The following MUC17 variants were observed in gnomAD, a reference collection of about 807,000 sequenced individuals.
MUC17 encodes mucin 17, cell surface associated.
A neutral mutation model predicts 170.3 loss-of-function variants in MUC17; 190 were observed. The observed-to-expected ratio is 1.12, with a 90% CI of 0.99 to 1.26. The LOEUF is 1.26. Ranked by LOEUF, MUC17 falls within the 50% of genes most tolerant of loss-of-function variation. The pLI, the probability that MUC17 is intolerant of heterozygous loss-of-function variation, is 0.00. For missense variants in MUC17, 6,415 were observed against 5,530.0 expected (o/e 1.16, Z -5.08); for synonymous variants, 2,325 against 2,002.5 (o/e 1.16, Z -4.30).
intron 3 of MUC17, among the ~76,000 whole-genome samples, chr7:101,047,292 C>T (rs555090571): frequency 6.6e-6 from 1 of 152,184 alleles, no homozygotes; most frequent in East Asian, 1.9e-4. Context: ...TGTTCAAGTT[C>T]ACCCGGGTTC....
At chr7:101,028,365 A>T (rs182594138) in intron 1 of MUC17, among the ~76,000 whole-genome samples, 1 of 152,144 alleles carries the variant, frequency 6.6e-6, no homozygotes, top group East Asian at 1.9e-4. Context: ...CTGGGATTAC[A>T]GGCATAAGCC....
chr7:101,038,957 G>A lies in MUC17; in HGVS notation c.7541G>A (p.Ser2514Asn). Residue 2514 changes from serine to asparagine, a missense_variant, in exon 3 of 13, where the codon AGT (serine) becomes AAT (asparagine). Physicochemically the swap from Ser to Asn is conservative, Grantham distance 46. Coordinates refer to ENST00000306151, the MANE Select transcript of MUC17 (RefSeq NM_001040105.2). Reference protein sequence around the residue: ...VVPISTASEGSTLLTSIPVST... With the variant: ...VVPISTASEGNTLLTSIPVST... The stretch of plus-strand genomic sequence containing the variant: ...CCAATCTCAACTGCTAGTGAAGGAA[G>A]TACTCTATTAACAAGTATACCTGTC... 1.9e-6 allele frequency: 3 copies of A among 1,613,188 alleles called. No homozygotes were observed. The highest frequency in any genetic ancestry group is 2.5e-6 in the Non-Finnish European group (3 of 1,179,846).
intron 1 of MUC17, among the ~76,000 whole-genome samples, chr7:101,028,914 G>T (rs770075040): frequency 6.6e-6 from 1 of 151,130 alleles, no homozygotes; most frequent in Non-Finnish European, 1.5e-5. Flanking sequence ...AAGTCCGGAC[G>T]TGGTGGTTCA....
rs114599668 is a variant in MUC17 at position 101,021,247 on chromosome 7, G to A, written c.82+1030G>A. On this transcript the variant is annotated intron_variant, in intron 1 of 12. Transcript: ENST00000306151. ...GTCACCCAGGCTGGAGTTCTGTAGC[G>A]TGATGTCAGCCCACTGCAACCTCTG... is the stretch of plus-strand genomic sequence containing the variant. Among the ~76,000 whole-genome samples the A allele has an allele frequency of 6.1e-3, 838 of 138,370 alleles. 6 individuals carry two copies. Among genetic ancestry groups the A allele is most frequent in the African/African-American group, 0.02 (744 of 37,028 alleles). 90.8% of individuals were successfully genotyped at this position (138,370 alleles called of 152,430 possible).
rs1293992248 is a variant in MUC17 at position 101,042,722 on chromosome 7, C to T, written c.11306C>T (p.Pro3769Leu). 1.9e-6 allele frequency: 3 copies of T among 1,613,700 alleles called. No homozygotes were observed. The South Asian group carries it at 3.3e-5, about 18-fold the overall frequency. The change falls in exon 3 of 13, where the codon CCT (proline) becomes CTT (leucine). Residue 3769 changes from proline (P) to leucine (L), a missense_variant. By Grantham distance (98) the Pro-to-Leu change is moderately conservative (BLOSUM62 -3). Transcript: ENST00000306151. Reference protein sequence around the residue: ...LVSTTPVTRFPESSTPSIPSV... With the variant: ...LVSTTPVTRFLESSTPSIPSV... Reference sequence around the variant, plus strand: ...AGTACCACACCTGTTACGAGGTTTCCTGAGAGTAGCACCCCTTCCATACCA... The same window carrying T: ...AGTACCACACCTGTTACGAGGTTTCTTGAGAGTAGCACCCCTTCCATACCA...
intron 2 of MUC17, 106 bp from the exon 3 acceptor site, chr7:101,031,495 C>T (rs1794277945): frequency 2.5e-6 from 3 of 1,223,470 alleles, no homozygotes; most frequent in African/African-American, 1.5e-5. Flanking sequence ...CGGATGACAT[C>T]CCTTATCTGA....
At position 101,035,814 on chromosome 7, in the gene MUC17, G is replaced by A. The variant is rs527976330; in HGVS notation, c.4398G>A (p.Pro1466=). 815 of 1,602,368 alleles carry A rather than the reference G, an allele frequency of 5.1e-4. 3 individuals carry two copies. The African/African-American group carries it at 9.7e-3, about 19-fold the overall frequency. Residue 1466 remains proline, a synonymous_variant, in exon 3 of 13, where the codon CCG becomes CCA. Coordinates refer to ENST00000306151, the MANE Select transcript of MUC17 (RefSeq NM_001040105.2). ...AAAGTATACCTGTCAGCAACACGCCGGTGGCCAATTCTGAGGCTAGCACCC... is the reference window on the plus strand; with the variant it reads ...AAAGTATACCTGTCAGCAACACGCCAGTGGCCAATTCTGAGGCTAGCACCC... ...PLKSIPVSNT[P]VANSEASTLS...
At chr7:101,020,247 G>A (rs1277620727) in intron 1 of MUC17, 30 bp downstream of exon 1, 29 of 1,579,308 alleles carry the variant, frequency 1.8e-5, no homozygotes, top group Middle Eastern at 1.7e-4. Context: ...CGCTGCCCAA[G>A]AGGCCCCCAT....
chr7:101,055,273 A>G lies in MUC17; in HGVS notation c.13364-921A>G, dbSNP rs555888733. ...GATTTTTTTAAAAAAAAATCTAGGT[A>G]TCCACTGTCGGTGGGAGGTACATGT... On this transcript the variant is annotated intron_variant, in intron 11 of 12. Transcript: ENST00000306151. Among the ~76,000 whole-genome samples the G allele has an allele frequency of 1.6e-3, 247 of 152,314 alleles. 2 individuals are homozygous for G. Among genetic ancestry groups the G allele is most frequent in the Non-Finnish European group, 2.2e-3 (151 of 68,026 alleles).
rs1794719302 is a variant in MUC17 at position 101,041,909 on chromosome 7, C to T, written c.10493C>T (p.Ser3498Phe). ...ACCACTTCTTCTCCAACCAATTCAT[C>T]TCCTACAACTGCTGAAGTTACCAGC... Reference protein sequence around the residue: ...PVTTSSPTNSSPTTAEVTSMP... With the variant: ...PVTTSSPTNSFPTTAEVTSMP... The change falls in exon 3 of 13, where the codon TCT (serine) becomes TTT (phenylalanine). Residue 3498 changes from serine (S) to phenylalanine (F), a missense_variant. By Grantham distance (155) the Ser-to-Phe change is radical. Transcript: ENST00000306151. 2 of 1,613,622 alleles carry T rather than the reference C, an allele frequency of 1.2e-6. No individual in the cohort carries two copies. Among genetic ancestry groups the T allele is most frequent in the Non-Finnish European group, 1.7e-6 (2 of 1,179,974 alleles).
chr7:101,054,385 G>A (rs1324280958), intron 11 of MUC17, among the ~76,000 whole-genome samples: 1 of 152,162 alleles, frequency 6.6e-6, no homozygotes. Flanking sequence ...AAAGGCACAT[G>A]TTAAAATTTC....
At position 101,051,724 on chromosome 7, in the gene MUC17, G is replaced by A. The variant is rs1176016418; in HGVS notation, c.12943+43G>A. ...GGGTTTGGGGGAAGGCTGGAGAGGT[G>A]GGGAGCCCAGGAGGAGTGGGACAGT... On this transcript the variant is annotated intron_variant, in intron 8 of 12. Transcript: ENST00000306151. 3.7e-6 allele frequency: 6 copies of A among 1,606,946 alleles called. 1 individual carries two copies. The highest frequency in any genetic ancestry group is 3.3e-5 in the South Asian group (3 of 90,672).
In MUC17 at chr7:101,038,450, T is replaced by C; in HGVS notation, c.7034T>C (p.Val2345Ala). 6.2e-7 allele frequency: 1 copy of C among 1,604,492 alleles called. No individual in the cohort carries two copies. The highest frequency in any genetic ancestry group is 8.5e-7 in the Non-Finnish European group (1 of 1,174,370). ...EGNTPLTRMP[V>A]STTMVASFET... ...AACACTCCATTAACACGTATGCCTG[T>C]CAGCACCACAATGGTGGCCAGTTTT... The change falls in exon 3 of 13, where the codon GTC (valine) becomes GCC (alanine). Residue 2345 changes from valine (V) to alanine (A), a missense_variant. Coordinates refer to ENST00000306151, the MANE Select transcript of MUC17 (RefSeq NM_001040105.2).
At chr7:101,024,089 C>A (rs983931319) in intron 1 of MUC17, among the ~76,000 whole-genome samples, 2 of 151,904 alleles carry the variant, frequency 1.3e-5, no homozygotes, top group African/African-American at 4.8e-5. Flanking sequence ...AGGGAGCAGG[C>A]TTTCTTTTTT....
chr7:101,029,747 C>T (rs760532781), intron 1 of MUC17, among the ~76,000 whole-genome samples: 27 of 151,898 alleles, frequency 1.8e-4, no homozygotes, highest in African/African-American at 5.3e-4. Flanking sequence ...TATAGGTGCA[C>T]GCCGCCGCAC....
intron 4 of MUC17, among the ~76,000 whole-genome samples, chr7:101,048,431 TAA>T (rs113181867): frequency 6.9e-6 from 1 of 143,950 alleles, no homozygotes; most frequent in African/African-American, 2.6e-5. Flanking sequence ...TTTATTTATT[TAA>T]AAAAAAAAAA....
Position 101,040,899 on chromosome 7 carries a change from A to G in MUC17, c.9483A>G (p.Glu3161=), listed in dbSNP as rs765763350. Residue 3161 remains glutamate, a synonymous_variant, in exon 3 of 13, where the codon GAA becomes GAG. Coordinates refer to ENST00000306151, the MANE Select transcript of MUC17 (RefSeq NM_001040105.2). ...GCATGCCAACCTCAACTCCTAGTGA[A>G]GGAAGTACTCCATTAACATATATGC... ...GTSMPTSTPS[E]GSTPLTYMPV... is the part of the protein sequence containing the mutation. 1.9e-6 allele frequency: 3 copies of G among 1,613,702 alleles called. No individual in the cohort carries two copies. Among genetic ancestry groups the G allele is most frequent in the Non-Finnish European group, 2.5e-6 (3 of 1,179,956 alleles).
chr7:101,036,944 C>T lies in MUC17; in HGVS notation c.5528C>T (p.Thr1843Ile), dbSNP rs753574465. 2 of 1,613,110 alleles carry T rather than the reference C, an allele frequency of 1.2e-6. No homozygotes were observed. The highest frequency in any genetic ancestry group is 1.7e-5 in the Admixed American group (1 of 60,004). Residue 1843 changes from threonine (T) to isoleucine (I), a missense_variant, in exon 3 of 13, where the codon ACA (threonine) becomes ATA (isoleucine). Coordinates refer to ENST00000306151, the MANE Select transcript of MUC17 (RefSeq NM_001040105.2). Reference protein sequence around the residue: ...VDSNSPVVTSTAVSSSPTPAE... With the variant: ...VDSNSPVVTSIAVSSSPTPAE... Reference sequence around the variant, plus strand: ...TCTAACAGTCCTGTGGTCACTTCTACAGCAGTCAGTTCATCTCCTACACCT... The same window carrying T: ...TCTAACAGTCCTGTGGTCACTTCTATAGCAGTCAGTTCATCTCCTACACCT...
rs1252236878 is a variant in MUC17 at position 101,037,205 on chromosome 7, G to GTA, written c.5792_5793dup (p.Pro1932TyrfsTer27). ...AGGGAAGGAAGGCCTCCATTAACAA[G>GTA]TATACCTGTCAGCACCACAACAGTG... On this transcript the variant is annotated frameshift_variant, in exon 3 of 13. Coordinates refer to ENST00000306151, the MANE Select transcript of MUC17 (RefSeq NM_001040105.2). LOFTEE classifies it high-confidence loss of function. 1.1e-5 allele frequency: 18 copies of GTA among 1,612,886 alleles called. No individual in the cohort carries two copies. The Admixed American group carries it at 1.8e-4, about 16-fold the overall frequency.
Sources: gnomAD v4.1 joint callset for allele counts (sites outside exome capture counted in the v4.1 genomes callset) on GRCh38, gnomAD v4.1.1 for gene constraint, MANE v1.5 for transcripts, NCBI Gene and HGNC (gene_info 2026-07-23, HGNC 2026-07-21) for gene names.